CARF: variants seen among roughly 807,000 people sequenced by gnomAD.
The protein encoded by CARF is calcium-responsive transcription factor.
Under a neutral mutation model 82.0 loss-of-function variants are expected in CARF, and 57 were observed. The observed-to-expected ratio is 0.70, with a 90% CI of 0.56 to 0.87. The LOEUF is 0.87. Among genes scored for constraint, CARF ranks in the 40% least tolerant of loss-of-function variants. The pLI, the probability that CARF is intolerant of heterozygous loss-of-function variation, is 0.00. For missense variants in CARF, 771 were observed against 855.8 expected (o/e 0.90, Z 1.24); for synonymous variants, 268 against 290.1 (o/e 0.92, Z 0.77).
chr2:202,953,694 G>A (rs550254576), intron 6 of CARF, among the ~76,000 whole-genome samples: 3 of 151,826 alleles, frequency 2.0e-5, no homozygotes, highest in East Asian at 1.9e-4. Context: ...AACATTATGA[G>A]CACAGTATAT....
rs974062057 is a variant in CARF at position 202,981,489 on chromosome 2, A to G, written c.1559-66A>G. ...TAGTTCTGACAGAAAGGGTTGTAATAAAGTATTTTTATGACTTCATAGAAG... is the reference window on the plus strand; with the variant it reads ...TAGTTCTGACAGAAAGGGTTGTAATGAAGTATTTTTATGACTTCATAGAAG... On this transcript the variant is annotated intron_variant, in intron 14 of 16. Transcript: ENST00000438828. 4.4e-6 allele frequency: 5 copies of G among 1,147,634 alleles called. No homozygotes were observed. In the African/African-American group the frequency reaches 6.3e-5, roughly 14 times the overall value. The allele number at this position is 1,147,634 out of a possible 1,614,324, so 71.1% of individuals were successfully genotyped here. A position where few individuals can be genotyped will look rare whatever the true frequency, so the allele number is the denominator to read the frequency against.
Position 202,986,895 on chromosome 2 carries a change from T to TACATATATATATAC in CARF, c.*3272_*3273insCATATATATATACA, listed in dbSNP as rs2060465126. The TACATATATATATAC allele has an allele frequency of 9.3e-6, 1 of 107,538 alleles. No individual in the cohort carries two copies. The highest frequency in any genetic ancestry group is 9.4e-5 in the Admixed American group (1 of 10,680). 6.7% of individuals were successfully genotyped at this position (107,538 alleles called of 1,614,324 possible). ...ATATATATATATATATATATATATA[T>TACATATATATATAC]ATATATATATATAGCAACTTGATGT... On this transcript the variant is annotated 3_prime_UTR_variant, in exon 17 of 17. Coordinates refer to ENST00000438828, the MANE Select transcript of CARF (RefSeq NM_024744.17).
chr2:202,937,974 TTATGGGG>T, intron 3 of CARF, among the ~76,000 whole-genome samples: 1 of 152,188 alleles, frequency 6.6e-6, no homozygotes, highest in South Asian at 2.1e-4. Context: ...TTGTAGATAT[TTATGGGG>T]TACATGAAAT....
rs776372071 is a variant in CARF, at chr2:202,914,795, AC to A, written c.-330+1694del. On this transcript the variant is annotated intron_variant, in intron 1 of 16. Transcript: ENST00000438828. ...ACTCCATCTCAAAAAAAAAAAACAA[AC>A]AAAAAATCAGAGCAAAAAGGTAAAA... Among the ~76,000 whole-genome samples the A allele has an allele frequency of 6.9e-3, 1,026 of 148,912 alleles. 77 individuals carry two copies. Among genetic ancestry groups the A allele is most frequent in the African/African-American group, 0.023 (914 of 40,200 alleles).
chr2:202,949,078 G>A (rs2058635601), intron 5 of CARF, among the ~76,000 whole-genome samples: 2 of 152,186 alleles, frequency 1.3e-5, no homozygotes, highest in Admixed American at 6.5e-5. Context: ...GCTTACGCCT[G>A]TAATCCCAGC....
intron 5 of CARF, among the ~76,000 whole-genome samples, chr2:202,951,097 A>G (rs796901672): frequency 5.9e-5 from 9 of 151,666 alleles, no homozygotes; most frequent in African/African-American, 2.2e-4. Context: ...CCCAGGCTGG[A>G]GTACAGCAGC....
intron 8 of CARF, among the ~76,000 whole-genome samples, chr2:202,959,815 C>CAAAAAAAAAA (rs11334679): frequency 1.4e-5 from 2 of 140,250 alleles, no homozygotes; most frequent in African/African-American, 2.6e-5. Flanking sequence ...ATCTCAAAAA[C>CAAAAAAAAAA]AAAAAAAAAA....
intron 8 of CARF, among the ~76,000 whole-genome samples, chr2:202,958,114 TG>T (rs1365182947): frequency 6.6e-6 from 1 of 152,252 alleles, no homozygotes; most frequent in East Asian, 1.9e-4. Context: ...TCTTAAAATG[TG>T]GGAAAGAAAA....
At chr2:202,961,041 G>C (rs1425510628) in intron 8 of CARF, among the ~76,000 whole-genome samples, 196 bp from the exon 9 acceptor site, 4 of 152,094 alleles carry the variant, frequency 2.6e-5, no homozygotes, top group Non-Finnish European at 5.9e-5. Flanking sequence ...AATGAGTTTG[G>C]CATTATATTC....
chr2:202,947,314 A>T (rs183821681), intron 5 of CARF, among the ~76,000 whole-genome samples: 102 of 152,350 alleles, frequency 6.7e-4, no homozygotes, highest in Non-Finnish European at 1.4e-3. Context: ...GAATGAGTTC[A>T]TGTCCTTTGC....
At chr2:202,971,443 T>G in intron 11 of CARF, 62 bp from the exon 12 acceptor site, 4 of 996,280 alleles carry the variant, frequency 4.0e-6, no homozygotes, top group Non-Finnish European at 5.9e-6. Flanking sequence ...TACTTTGGTC[T>G]AATAATATTA....
At chr2:202,961,077 A>C (rs2059301419) in intron 8 of CARF, among the ~76,000 whole-genome samples, 160 bp from the exon 9 acceptor site, 1 of 152,206 alleles carries the variant, frequency 6.6e-6, no homozygotes, top group South Asian at 2.1e-4. Context: ...GTTGAACTCA[A>C]ATCAGACCCA....
At chr2:202,931,744 A>AT (rs906271417) in intron 3 of CARF, among the ~76,000 whole-genome samples, 2 of 145,298 alleles carry the variant, frequency 1.4e-5, no homozygotes, top group African/African-American at 5.7e-5. Flanking sequence ...CTGGGTGCTC[A>AT]TTCTAATTTT....
At chr2:202,924,736 C>T (rs1574488444) in intron 3 of CARF, 1 of 161,552 alleles carries the variant, frequency 6.2e-6, no homozygotes, top group East Asian at 1.8e-4. Context: ...TAGAACTTCT[C>T]CTGGATGGGC....
intron 3 of CARF, among the ~76,000 whole-genome samples, chr2:202,936,195 CT>C (rs1693909920): frequency 6.6e-6 from 1 of 152,112 alleles, no homozygotes; most frequent in South Asian, 2.1e-4. Flanking sequence ...TATCAAATAT[CT>C]AGTCCACGTT....
intron 8 of CARF, among the ~76,000 whole-genome samples, chr2:202,956,877 C>G (rs1345286791): frequency 1.3e-5 from 2 of 152,160 alleles, no homozygotes; most frequent in Non-Finnish European, 2.9e-5. Flanking sequence ...CAACCTCCAC[C>G]TCCCAGGTTC....
chr2:202,952,667 A>T lies in CARF; in HGVS notation c.415A>T (p.Asn139Tyr), dbSNP rs779479422. 7 of 1,613,654 alleles carry T rather than the reference A, an allele frequency of 4.3e-6. No individual in the cohort carries two copies. In the East Asian group the frequency reaches 1.1e-4, roughly 26 times the overall value. ...IIPQGQLVDVNSPRDVPEEKP... is the reference protein window; with the variant it reads ...IIPQGQLVDVYSPRDVPEEKP... ...ACCTCAGGGGCAACTTGTGGATGTG[A>T]ATAGTCCTCGGGGTGAGTAACAACG... Residue 139 changes from asparagine (N) to tyrosine (Y), a missense_variant, in exon 6 of 17, where the codon AAT becomes TAT. By Grantham distance (143) the Asn-to-Tyr change is moderately radical. Coordinates refer to ENST00000438828, the MANE Select transcript of CARF (RefSeq NM_024744.17).
intron 3 of CARF, among the ~76,000 whole-genome samples, chr2:202,935,136 A>AT (rs1209358334): frequency 3.6e-5 from 5 of 140,050 alleles, no homozygotes; most frequent in East Asian, 2.0e-4. Context: ...ATAATTATAT[A>AT]ATATAATTAT....
intron 13 of CARF, among the ~76,000 whole-genome samples, chr2:202,976,794 A>G (rs548619175): frequency 2.4e-4 from 34 of 142,874 alleles, no homozygotes; most frequent in African/African-American, 8.9e-4. Flanking sequence ...CACTGCAGCC[A>G]CGACCTCCAA....
Sources: gnomAD v4.1 joint callset for allele counts (sites outside exome capture counted in the v4.1 genomes callset) on GRCh38, gnomAD v4.1.1 for gene constraint, MANE v1.5 for transcripts, NCBI Gene and HGNC (gene_info 2026-07-23, HGNC 2026-07-21) for gene names.